Variants in SBF1 observed in about 807,000 individuals in gnomAD.
SBF1 encodes the protein SET binding factor 1, also known as myotubularin-related protein 5.
A neutral mutation model predicts 215.8 loss-of-function variants in SBF1; 65 were observed. The ratio of observed to expected loss-of-function variants is 0.30; its 90% CI spans 0.25 to 0.37. The LOEUF is 0.37. Among genes scored for constraint, SBF1 ranks in the 10% least tolerant of loss-of-function variants. The pLI is 1.00. For missense variants in SBF1, 2,634 were observed against 2,667.8 expected, an observed-to-expected ratio of 0.99 and a Z score of 0.28; for synonymous variants, 1,410 against 1,122.8, an observed-to-expected ratio of 1.26 and a Z score of -5.11.
rs563792107 is a variant in SBF1 at position 50,469,148 on chromosome 22, C to T, written c.56-687G>A. Among the ~76,000 whole-genome samples the T allele has an allele frequency of 5.9e-5, 9 of 152,304 alleles. No individual in the cohort carries two copies. In the East Asian group the frequency reaches 1.7e-3, roughly 29 times the overall value. On this transcript the variant is annotated intron_variant, in intron 1 of 40. Transcript: ENST00000380817. Reference sequence around the variant, plus strand: ...TGGAGACTTGGTCCAGGACGACCACCGAAGGATGCCCAGATGGCTTCCTGA... The same window carrying T: ...TGGAGACTTGGTCCAGGACGACCACTGAAGGATGCCCAGATGGCTTCCTGA...
chr22:50,474,720 C>T, intron 1 of SBF1, 66 bp downstream of exon 1: 2 of 1,366,396 alleles, frequency 1.5e-6, no homozygotes, highest in Admixed American at 2.4e-5. Context: ...ACCCTCAGAC[C>T]CAGCCCCTGG....
intron 1 of SBF1, 81 bp downstream of exon 1, chr22:50,474,689 GCCCCCAGCCCCCGGCC>G: frequency 9.7e-7 from 1 of 1,032,656 alleles, no homozygotes; most frequent in East Asian, 3.7e-5. Context: ...CCAGCCCTCG[GCCCCCAGCCCCCGGCC>G]CTCGACCCTC....
At chr22:50,459,151 C>G in intron 28 of SBF1, 104 bp downstream of exon 28, 1 of 1,444,008 alleles carries the variant, frequency 6.9e-7, no homozygotes, top group South Asian at 1.4e-5. Context: ...ACATCCATGA[C>G]CAGCGCCGTT....
chr22:50,457,849 C>T (rs1188730004), intron 28 of SBF1, among the ~76,000 whole-genome samples: 2 of 152,248 alleles, frequency 1.3e-5, no homozygotes, highest in Admixed American at 6.5e-5. Context: ...GCAATGTCCC[C>T]TCGTCCACCA....
rs2148570281 is a variant in SBF1 at position 50,455,210 on chromosome 22, A to G, written c.4554+14T>C. The G allele has an allele frequency of 6.2e-7, 1 of 1,612,132 alleles. No homozygotes were observed. Among genetic ancestry groups the G allele is most frequent in the Non-Finnish European group, 8.5e-7 (1 of 1,178,778 alleles). On this transcript the variant is annotated intron_variant, in intron 33 of 40. Transcript: ENST00000380817. ...GTGCACAGTCCCGGCCCACCCACACAGCGGCCTGCCCACCTGGTGTACGCA... is the reference window on the plus strand; with the variant it reads ...GTGCACAGTCCCGGCCCACCCACACGGCGGCCTGCCCACCTGGTGTACGCA...
At chr22:50,459,416 G>C (rs371569228) in intron 27 of SBF1, 24 bp from the exon 28 acceptor site, 2 of 1,611,972 alleles carry the variant, frequency 1.2e-6, no homozygotes, top group South Asian at 1.1e-5. Flanking sequence ...CGGAGCTGAG[G>C]GAGGGGAGGG....
chr22:50,457,960 C>T lies in SBF1; in HGVS notation c.3827-849G>A, dbSNP rs117630453. 8.2e-4 allele frequency among the ~76,000 whole-genome samples: 125 copies of T among 152,338 alleles called. 2 individuals are homozygous for T. In the East Asian group the frequency reaches 0.019, roughly 23 times the overall value. On this transcript the variant is annotated intron_variant, in intron 28 of 40. Coordinates refer to ENST00000380817, the MANE Select transcript of SBF1 (RefSeq NM_002972.4). Reference sequence around the variant, plus strand: ...CCCAGCTCACAGTGAGGACGCAGCACCAGCCTGCTTTGGACGCCAACCAGG... The same window carrying T: ...CCCAGCTCACAGTGAGGACGCAGCATCAGCCTGCTTTGGACGCCAACCAGG...
At chr22:50,468,332 C>A in intron 2 of SBF1, 44 bp downstream of exon 2, 5 of 1,573,602 alleles carry the variant, frequency 3.2e-6, no homozygotes, top group Non-Finnish European at 4.4e-6. Context: ...TGCCCACCTG[C>A]CCTCCCCACC....
intron 10 of SBF1, 54 bp downstream of exon 10, chr22:50,465,709 T>C: frequency 6.7e-7 from 1 of 1,501,192 alleles, no homozygotes; most frequent in Non-Finnish European, 9.0e-7. Context: ...CAGACCTGAG[T>C]GGGGGCAGCC....
At chr22:50,456,942 G>T in intron 29 of SBF1, 92 bp downstream of exon 29, 1 of 1,084,484 alleles carries the variant, frequency 9.2e-7, no homozygotes. Context: ...AGGTGTGGAG[G>T]GAGACATTAG....
rs1020557603 is a variant in SBF1, at chr22:50,463,146, G to A, written c.1899+137C>T. 8.8e-6 allele frequency: 11 copies of A among 1,252,456 alleles called. No individual in the cohort carries two copies. In the African/African-American group the frequency reaches 8.9e-5, roughly 10 times the overall value. The allele number at this position is 1,252,456 out of a possible 1,614,324, so 77.6% of individuals were successfully genotyped here. A position where few individuals can be genotyped will look rare whatever the true frequency, so the allele number is the denominator to read the frequency against. On this transcript the variant is annotated intron_variant, in intron 16 of 40. Transcript: ENST00000380817. ...AATGGTTCTCTCCACCCTGTTCCCT[G>A]CAGACCGAGGACCCCTGCCCACTGG...
intron 28 of SBF1, among the ~76,000 whole-genome samples, chr22:50,457,589 C>G (rs1011160471): frequency 5.9e-5 from 9 of 152,192 alleles, no homozygotes; most frequent in African/African-American, 2.2e-4. Context: ...GGAGGCTTCC[C>G]GAAGAGGGGA....
At position 50,464,899 on chromosome 22, in the gene SBF1, C is replaced by T. The variant is rs761612425; in HGVS notation, c.1351G>A (p.Ala451Thr). Residue 451 changes from alanine (A) to threonine (T), a missense_variant, in exon 13 of 41, where the codon GCA becomes ACA. By Grantham distance (58) the Ala-to-Thr change is moderately conservative. Transcript: ENST00000380817. The stretch of plus-strand genomic sequence containing the variant: ...TGGTTCTCATCCGCCCGCATCCTTG[C>T]CACCTCGTGGGCCACCAGCTAGCGG... ...LFDELVAHEV[A>T]RMRADENHPQ... 12 of 1,613,656 alleles carry T rather than the reference C, an allele frequency of 7.4e-6. No individual in the cohort carries two copies. The East Asian group carries it at 1.6e-4, about 21-fold the overall frequency.
Position 50,446,203 on chromosome 22 carries a change from CTG to C in SBF1, c.*937_*938del, listed in dbSNP as rs1449742193. On this transcript the variant is annotated 3_prime_UTR_variant, in exon 41 of 41. Transcript: ENST00000380817. ...CCAAGAAGGGAAGGACGGGGGCCCTCTGAGACCCCAGGGAAAGGACTTTTGGG... is the reference window on the plus strand; with the variant it reads ...CCAAGAAGGGAAGGACGGGGGCCCTCAGACCCCAGGGAAAGGACTTTTGGG... The C allele has an allele frequency of 1.3e-5, 2 of 152,368 alleles. No individual in the cohort carries two copies. The highest frequency in any genetic ancestry group is 2.4e-5 in the African/African-American group (1 of 41,394). 9.4% of individuals were successfully genotyped at this position (152,368 alleles called of 1,614,324 possible). A position where few individuals can be genotyped will look rare whatever the true frequency, so the allele number is the denominator to read the frequency against.
At position 50,447,252 on chromosome 22, in the gene SBF1, C is replaced by G. The variant is rs772352383; in HGVS notation, c.5584-12G>C. The G allele has an allele frequency of 2.9e-5, 46 of 1,613,600 alleles. No homozygotes were observed. Among genetic ancestry groups the G allele is most frequent in the Non-Finnish European group, 3.5e-5 (41 of 1,179,738 alleles). ...CGCGTTGTCTTCACCTGGGGAAGGG[C>G]GGGTTACTGACTCCGCAGCCCCCAC... is the stretch of plus-strand genomic sequence containing the variant. On this transcript the variant is annotated splice_polypyrimidine_tract_variant and intron_variant, in intron 40 of 40. Coordinates refer to ENST00000380817, the MANE Select transcript of SBF1 (RefSeq NM_002972.4).
At position 50,460,021 on chromosome 22, in the gene SBF1, C is replaced by T. The variant is rs747747176; in HGVS notation, c.3422G>A (p.Ser1141Asn). The change falls in exon 26 of 41, where the codon AGC (serine) becomes AAC (asparagine). Residue 1141 changes from serine to asparagine, a missense_variant. Physicochemically the swap from Ser to Asn is conservative, Grantham distance 46. Transcript: ENST00000380817. ...GGGCTCAGACTTGGCCCGGCTCAGG[C>T]TGCTGCTCAGGGTGCCCAGACCGAG... is the stretch of plus-strand genomic sequence containing the variant. ...QRLGLGTLSS[S>N]LSRAKSEPFR... 1 of 1,613,918 alleles carries T rather than the reference C, an allele frequency of 6.2e-7. No homozygotes were observed. The highest frequency in any genetic ancestry group is 1.3e-5 in the African/African-American group (1 of 74,948).
chr22:50,464,663 G>A lies in SBF1; in HGVS notation c.1507C>T (p.Arg503Ter). The A allele has an allele frequency of 1.9e-6, 3 of 1,608,252 alleles. No homozygotes were observed. Among genetic ancestry groups the A allele is most frequent in the Non-Finnish European group, 2.5e-6 (3 of 1,179,746 alleles). ...GESSHLRRVP[R>*]PFPRLDEGTV... is the part of the protein sequence containing the mutation. ...CCCTCATCCAGCCGGGGGAAGGGTC[G>A]GGGCACCCGTCGCAGGTGGCTGCTC... The change falls in exon 14 of 41, where the codon CGA (arginine) becomes TGA (stop). Residue 503 changes from arginine (R) to a stop codon, truncating the protein, a stop_gained. Coordinates refer to ENST00000380817, the MANE Select transcript of SBF1 (RefSeq NM_002972.4). LOFTEE classifies it high-confidence loss of function.
At chr22:50,467,039 A>C (rs2067794988) in intron 5 of SBF1, 1 of 574,564 alleles carries the variant, frequency 1.7e-6, no homozygotes, top group Admixed American at 3.2e-5. Flanking sequence ...ACGGTTAGAC[A>C]CTCCAACACA....
intron 4 of SBF1, 22 bp downstream of exon 4, chr22:50,467,510 C>G (rs1024906903): frequency 4.3e-6 from 7 of 1,613,588 alleles, no homozygotes; most frequent in African/African-American, 4.0e-5. Context: ...TCGTGCCTCG[C>G]CGCCCCGGCT....
Sources: gnomAD v4.1 joint callset for allele counts (sites outside exome capture counted in the v4.1 genomes callset) on GRCh38, gnomAD v4.1.1 for gene constraint, MANE v1.5 for transcripts, NCBI Gene and HGNC (gene_info 2026-07-23, HGNC 2026-07-21) for gene names.